Variants in MET observed in about 807,000 individuals in gnomAD.
MET encodes the protein MET proto-oncogene, receptor tyrosine kinase, also known as hepatocyte growth factor receptor.
In MET, 48 loss-of-function variants were observed where a neutral mutation model predicts 133.1. That is an observed-to-expected ratio of 0.36 (90% CI 0.29 to 0.46). MET has a LOEUF of 0.46. Among genes scored for constraint, MET ranks in the 20% least tolerant of loss-of-function variants. The probability of loss-of-function intolerance (pLI) is 1.00; values close to 1 mark genes in which losing one functional copy is unlikely to be tolerated. For synonymous variants in MET, 628 were observed against 616.5 expected (o/e 1.02, Z -0.28); for missense variants, 1,442 against 1,695.9 (o/e 0.85, Z 2.63).
intron 1 of MET, chr7:116,695,818 T>C (rs1015831550): frequency 2.5e-5 from 12 of 478,648 alleles, no homozygotes; most frequent in Admixed American, 1.2e-4. Context: ...TCAATACATG[T>C]TCTTGTTATT....
intron 9 of MET, 108 bp from the exon 10 acceptor site, chr7:116,759,283 G>A (rs1036008496): frequency 1.3e-6 from 2 of 1,504,652 alleles, no homozygotes; most frequent in Non-Finnish European, 1.8e-6. Context: ...GATGTTGACT[G>A]TGCCTCTGAC....
rs780928472 is a variant in MET, at chr7:116,699,363, A to C, written c.279A>C (p.Pro93=). The change falls in exon 2 of 21, where the codon CCA becomes CCC. Residue 93 remains proline (P), a synonymous_variant. Transcript: ENST00000397752. ...AGACTGGGCCTGTGCTGGAACACCC[A>C]GATTGTTTCCCATGTCAGGACTGCA... ...EYKTGPVLEH[P]DCFPCQDCSS... The C allele has an allele frequency of 1.2e-6, 2 of 1,613,946 alleles. No individual in the cohort carries two copies. Among genetic ancestry groups the C allele is most frequent in the African/African-American group, 2.7e-5 (2 of 74,920 alleles).
chr7:116,766,408 G>A (rs1483846521), intron 11 of MET, among the ~76,000 whole-genome samples: 1 of 152,176 alleles, frequency 6.6e-6, no homozygotes, highest in Admixed American at 6.5e-5. Context: ...CAAATGCTGA[G>A]AGCTCAGGAG....
At position 116,769,738 on chromosome 7, in the gene MET, T is replaced by A. The variant is rs376104371; in HGVS notation, c.2677T>A (p.Leu893Ile). Residue 893 changes from leucine to isoleucine, a missense_variant, in exon 12 of 21, where the codon TTA becomes ATA. By Grantham distance (5) the Leu-to-Ile change is conservative. Transcript: ENST00000397752. ...TATACACTTACATTCTGAAGCCGTT[T>A]TATGCACGGTCCCCAATGACCTGCT... Reference protein sequence around the residue: ...ENIHLHSEAVLCTVPNDLLKL... With the variant: ...ENIHLHSEAVICTVPNDLLKL... The A allele has an allele frequency of 2.4e-5, 38 of 1,613,822 alleles. No individual in the cohort carries two copies. The South Asian group carries it at 3.0e-4, about 13-fold the overall frequency.
intron 9 of MET, among the ~76,000 whole-genome samples, chr7:116,759,122 T>G (rs1232105599): frequency 2.0e-5 from 3 of 152,274 alleles, no homozygotes; most frequent in Non-Finnish European, 4.4e-5. Context: ...CGGTTTTCTT[T>G]GTATTTTTTT....
intron 2 of MET, among the ~76,000 whole-genome samples, chr7:116,706,769 C>T (rs1489429146): frequency 6.6e-6 from 1 of 152,016 alleles, no homozygotes; most frequent in Non-Finnish European, 1.5e-5. Context: ...GATTCAGAGC[C>T]CAGATATGTG....
At chr7:116,789,900 A>G (rs1795431754) in intron 19 of MET, among the ~76,000 whole-genome samples, 1 of 152,176 alleles carries the variant, frequency 6.6e-6, no homozygotes, top group Non-Finnish European at 1.5e-5. Context: ...TGCTGCACCT[A>G]TCAACCCATC....
chr7:116,681,572 T>C (rs1035067685), intron 1 of MET, among the ~76,000 whole-genome samples: 1 of 152,266 alleles, frequency 6.6e-6, no homozygotes, highest in Non-Finnish European at 1.5e-5. Flanking sequence ...TGTATTTTTC[T>C]ATTCTAAATA....
At chr7:116,783,204 A>AC in intron 18 of MET, 100 bp from the exon 19 acceptor site, 1 of 1,369,650 alleles carries the variant, frequency 7.3e-7, no homozygotes, top group Non-Finnish European at 1.0e-6. Flanking sequence ...GAAGTTATGG[A>AC]TTTCAAATAC....
intron 11 of MET, among the ~76,000 whole-genome samples, chr7:116,769,371 A>G (rs1794753723): frequency 6.6e-6 from 1 of 152,210 alleles, no homozygotes; most frequent in African/African-American, 2.4e-5. Context: ...ATCATTCCAC[A>G]TTTAAGGATG....
intron 5 of MET, among the ~76,000 whole-genome samples, chr7:116,754,668 A>G (rs1794055956): frequency 1.3e-5 from 2 of 151,408 alleles, no homozygotes; most frequent in South Asian, 4.2e-4. Context: ...AAAAAAAAAA[A>G]TAGCCAAGCA....
chr7:116,730,687 A>T (rs1792969471), intron 2 of MET, among the ~76,000 whole-genome samples: 1 of 152,058 alleles, frequency 6.6e-6, no homozygotes, highest in Non-Finnish European at 1.5e-5. Context: ...AGGGAGAGGG[A>T]GGAATTGGAG....
At chr7:116,755,666 G>A (rs994102053) in intron 6 of MET, 151 bp downstream of exon 6, 2 of 981,926 alleles carry the variant, frequency 2.0e-6, no homozygotes, top group Non-Finnish European at 3.1e-6. Flanking sequence ...GTTCTGTTTT[G>A]TTCTTGTAAT....
intron 15 of MET, among the ~76,000 whole-genome samples, chr7:116,776,822 T>C (rs1362455776): frequency 6.6e-6 from 1 of 152,186 alleles, no homozygotes; most frequent in Non-Finnish European, 1.5e-5. Flanking sequence ...TCAGGGTGAA[T>C]TTGCTTCATC....
intron 17 of MET, among the ~76,000 whole-genome samples, chr7:116,779,357 C>G (rs1334398721): frequency 1.3e-5 from 2 of 152,182 alleles, no homozygotes; most frequent in Admixed American, 1.3e-4. Context: ...GTTCCTTGTC[C>G]TTGCCATCCA....
chr7:116,673,533 A>G (rs1796046868), intron 1 of MET, among the ~76,000 whole-genome samples: 1 of 152,230 alleles, frequency 6.6e-6, no homozygotes, highest in Admixed American at 6.5e-5. Context: ...CTTGAATTTT[A>G]AGAAGACTGT....
In MET at chr7:116,748,194, C is replaced by T. The variant is rs992889106; in HGVS notation, c.1702-7161C>T. Among the ~76,000 whole-genome samples, 6 of 152,086 alleles carry T rather than the reference C, an allele frequency of 3.9e-5. 1 individual carries two copies. The highest frequency in any genetic ancestry group is 9.7e-5 in the African/African-American group (4 of 41,400). On this transcript the variant is annotated intron_variant, in intron 5 of 20. Coordinates refer to ENST00000397752, the MANE Select transcript of MET (RefSeq NM_000245.4). ...AGGAGGCGGAGCTTGTAGTGAGCCG[C>T]GAAGGCGCCACTGCACTCCAGCCTG...
chr7:116,761,267 G>A (rs1385635394), intron 10 of MET, among the ~76,000 whole-genome samples: 2 of 152,094 alleles, frequency 1.3e-5, no homozygotes, highest in Admixed American at 1.3e-4. Flanking sequence ...ATAAACTTCT[G>A]TTGTTTTAGT....
At chr7:116,788,808 T>C (rs1330604825) in intron 19 of MET, among the ~76,000 whole-genome samples, 1 of 152,188 alleles carries the variant, frequency 6.6e-6, no homozygotes, top group African/African-American at 2.4e-5. Context: ...ACCAAAAACT[T>C]GCCTGCTTGT....
Sources: allele counts gnomAD v4.1 joint callset (sites outside exome capture counted in the v4.1 genomes callset), GRCh38; gene constraint gnomAD v4.1.1; transcripts MANE v1.5; gene names NCBI Gene and HGNC (gene_info 2026-07-23, HGNC 2026-07-21).